The following CPVL variants were observed in gnomAD, a reference collection of about 807,000 sequenced individuals.
CPVL encodes carboxypeptidase vitellogenic like.
CPVL carries 51 observed loss-of-function variants against 63.7 expected under a neutral mutation model. The observed-to-expected ratio is 0.80, with a 90% CI of 0.64 to 1.01. CPVL has a LOEUF of 1.01. Ranked by LOEUF, CPVL falls within the 50% of genes least tolerant of loss-of-function variation. The pLI is 0.00. For missense variants in CPVL, 530 were observed against 573.1 expected, an observed-to-expected ratio of 0.92 and a Z score of 0.77; for synonymous variants, 195 against 206.0, an observed-to-expected ratio of 0.95 and a Z score of 0.46.
chr7:29,141,326 C>G (rs1791853415), intron 1 of CPVL, among the ~76,000 whole-genome samples: 1 of 152,090 alleles, frequency 6.6e-6, no homozygotes, highest in African/African-American at 2.4e-5. Flanking sequence ...CTGAGGTGGG[C>G]GGATCATGAG....
chr7:29,009,527 C>T (rs642741), intron 12 of CPVL: 51,884 of 151,702 alleles, frequency 0.34, 9,001 homozygotes, highest in Middle Eastern at 0.43. Context: ...GGGTGAATAA[C>T]ACGTATATGA....
At chr7:29,010,699 G>A (rs1785735217) in intron 12 of CPVL, 1 of 152,296 alleles carries the variant, frequency 6.6e-6, no homozygotes, top group Admixed American at 6.5e-5. Flanking sequence ...TATGAACAGA[G>A]CAAGAGGTTC....
chr7:29,156,929 G>C (rs537012980), intron 5 of CPVL, among the ~76,000 whole-genome samples: 13 of 152,200 alleles, frequency 8.5e-5, no homozygotes, highest in African/African-American at 3.1e-4. Flanking sequence ...TTTAACACAA[G>C]AAAAGACATC....
chr7:29,028,844 A>G (rs1202316246), intron 12 of CPVL, among the ~76,000 whole-genome samples: 4 of 151,886 alleles, frequency 2.6e-5, no homozygotes, highest in African/African-American at 9.7e-5. Flanking sequence ...AGGCGCCTGT[A>G]GTCCCAGCTA....
intron 9 of CPVL, 53 bp downstream of exon 9, chr7:29,071,720 C>CAA: frequency 1.7e-5 from 19 of 1,140,054 alleles, no homozygotes; most frequent in Non-Finnish European, 2.2e-5. Flanking sequence ...CCCGCCCTCC[C>CAA]TCCCCAGATG....
intron 6 of CPVL, among the ~76,000 whole-genome samples, chr7:29,089,187 GAAACAGATTGCAAGGAAGAATGACT>G (rs1291907498): frequency 6.6e-6 from 1 of 152,122 alleles, no homozygotes; most frequent in Non-Finnish European, 1.5e-5. Context: ...ACCAAAAAGA[GAAACAGATTGCAAGGAAGAATGACT>G]AGGAGAAAAT....
At chr7:29,110,380 G>C (rs1284659772) in intron 3 of CPVL, among the ~76,000 whole-genome samples, 1 of 152,172 alleles carries the variant, frequency 6.6e-6, no homozygotes. Context: ...CCTCTGTCTG[G>C]GTTTGGCTGC....
At chr7:29,188,178 A>G (rs1798956685) in intron 1 of CPVL, among the ~76,000 whole-genome samples, 1 of 152,240 alleles carries the variant, frequency 6.6e-6, no homozygotes, top group Non-Finnish European at 1.5e-5. Context: ...GGCCACCTAG[A>G]GTTCCTAACT....
At chr7:29,195,044 C>T (rs1220234948) in intron 1 of CPVL, 20 of 1,547,248 alleles carry the variant, frequency 1.3e-5, no homozygotes, top group Admixed American at 7.3e-5. Context: ...CCCCACTGCC[C>T]TCGCCCCGCA....
chr7:29,127,577 A>AC (rs1266559368), intron 1 of CPVL: 19 of 152,360 alleles, frequency 1.2e-4, no homozygotes, highest in African/African-American at 3.8e-4. Context: ...GCACCTTGGC[A>AC]CAGTGAGTAT....
intron 11 of CPVL, among the ~76,000 whole-genome samples, chr7:29,041,619 C>T (rs1009694876): frequency 3.3e-5 from 5 of 152,162 alleles, no homozygotes; most frequent in Non-Finnish European, 7.4e-5. Flanking sequence ...AACAAACACA[C>T]ATTTGCATAC....
At chr7:29,087,740 G>A (rs1368056915) in intron 6 of CPVL, among the ~76,000 whole-genome samples, 4 of 152,292 alleles carry the variant, frequency 2.6e-5, no homozygotes, top group Admixed American at 6.5e-5. Context: ...GGAGGATGGC[G>A]AAGTTCAAGG....
rs764225561 is a variant in CPVL, at chr7:29,112,767, G to A, written c.225C>T (p.Ala75=). The change falls in exon 3 of 13, where the codon GCC becomes GCT. Residue 75 remains alanine, a synonymous_variant. Coordinates refer to ENST00000265394, the MANE Select transcript of CPVL (RefSeq NM_031311.5). ...AAGTCTTATTCACGGTGAGGAAGCC[G>A]GCATAACTCTTCATGTTCAGTCCTG... is the stretch of plus-strand genomic sequence containing the variant. The part of the protein sequence containing the change: ...PFPGLNMKSY[A]GFLTVNKTYN... 1.1e-5 allele frequency: 17 copies of A among 1,613,480 alleles called. No homozygotes were observed. Among genetic ancestry groups the A allele is most frequent in the Admixed American group, 5.0e-5 (3 of 59,960 alleles).
intron 11 of CPVL, among the ~76,000 whole-genome samples, chr7:29,045,049 A>T (rs960688104): frequency 8.5e-5 from 13 of 152,232 alleles, no homozygotes; most frequent in Admixed American, 6.5e-5. Context: ...AAGAAAAACA[A>T]CTTAAACCAT....
intron 1 of CPVL, among the ~76,000 whole-genome samples, chr7:29,140,179 C>A (rs533640541): frequency 6.6e-6 from 1 of 152,302 alleles, no homozygotes; most frequent in South Asian, 2.1e-4. Context: ...GTGGCTCACA[C>A]TTGTAATCCC....
intron 1 of CPVL, among the ~76,000 whole-genome samples, chr7:29,139,496 T>C (rs931686508): frequency 7.6e-6 from 1 of 132,044 alleles, no homozygotes; most frequent in Non-Finnish European, 1.6e-5. Flanking sequence ...TCAGTGTTCG[T>C]AAGACAACCT....
chr7:29,094,264 C>T (rs961505662), intron 5 of CPVL, among the ~76,000 whole-genome samples: 3 of 151,894 alleles, frequency 2.0e-5, no homozygotes, highest in African/African-American at 7.3e-5. Context: ...TTGCTTCAAC[C>T]TGGGAAGTGG....
chr7:29,146,337 C>G, intron 1 of CPVL, 92 bp downstream of exon 1: 1 of 499,802 alleles, frequency 2.0e-6, no homozygotes, highest in Non-Finnish European at 3.5e-6. Context: ...GCTTTTGAGA[C>G]TACCTGCCCC....
rs1289336707 is a variant in CPVL at position 29,120,897 on chromosome 7, T to C, written c.165A>G (p.Gln55=). The part of the protein sequence containing the change: ...LTPYIEAGKI[Q]KGRELSLVGP... ...GATTTAATTAAACTTACTTACCTTTTTGGATCTTCCCAGCTTCAATGTAAG... is the reference window on the plus strand; with the variant it reads ...GATTTAATTAAACTTACTTACCTTTCTGGATCTTCCCAGCTTCAATGTAAG... Residue 55 remains glutamine, a synonymous_variant, in exon 2 of 13, where the codon CAA becomes CAG. Transcript: ENST00000265394. The C allele has an allele frequency of 1.2e-6, 2 of 1,612,722 alleles. No individual in the cohort carries two copies. The highest frequency in any genetic ancestry group is 1.7e-5 in the Admixed American group (1 of 59,788).
Sources: allele counts gnomAD v4.1 joint callset (sites outside exome capture counted in the v4.1 genomes callset), GRCh38; gene constraint gnomAD v4.1.1; transcripts MANE v1.5; gene names NCBI Gene and HGNC (gene_info 2026-07-23, HGNC 2026-07-21).